ALDH16A1: variants seen among roughly 807,000 people sequenced by gnomAD.
The protein encoded by ALDH16A1 is aldehyde dehydrogenase 16 family member A1.
ALDH16A1 carries 88 observed loss-of-function variants against 96.1 expected under a neutral mutation model. The observed-to-expected ratio is 0.92, with a 90% CI of 0.77 to 1.09. ALDH16A1 has a LOEUF of 1.09. Ranked by LOEUF, ALDH16A1 falls within the 50% of genes least tolerant of loss-of-function variation. The pLI, the probability that ALDH16A1 is intolerant of heterozygous loss-of-function variation, is 0.00. For synonymous variants in ALDH16A1, 522 were observed against 496.4 expected (o/e 1.05, Z -0.69); for missense variants, 1,250 against 1,112.6 (o/e 1.12, Z -1.76).
intron 2 of ALDH16A1, 71 bp from the exon 3 acceptor site, chr19:49,458,889 A>G: frequency 6.4e-7 from 1 of 1,561,216 alleles, no homozygotes; most frequent in Non-Finnish European, 8.7e-7. Flanking sequence ...CCAGGCTCCG[A>G]AAATCTCAGC....
At position 49,461,537 on chromosome 19, in the gene ALDH16A1, G is replaced by A; in HGVS notation, c.578-82G>A. ...GACTCCTGGGTCTGAGGGAGGAGGGGCTGGGGGTCCAGATTCCTGGGTCTG... is the reference window on the plus strand; with the variant it reads ...GACTCCTGGGTCTGAGGGAGGAGGGACTGGGGGTCCAGATTCCTGGGTCTG... On this transcript the variant is annotated intron_variant, in intron 5 of 16. Coordinates refer to ENST00000293350, the MANE Select transcript of ALDH16A1 (RefSeq NM_153329.4). 7.3e-6 allele frequency: 5 copies of A among 687,592 alleles called. 2 individuals carry two copies. The South Asian group carries it at 9.8e-5, about 13-fold the overall frequency. 42.6% of individuals were successfully genotyped at this position (687,592 alleles called of 1,614,324 possible).
At position 49,459,859 on chromosome 19, in the gene ALDH16A1, G is replaced by A. The variant is rs779368839; in HGVS notation, c.499+11G>A. The A allele has an allele frequency of 2.5e-6, 4 of 1,611,762 alleles. No homozygotes were observed. The African/African-American group carries it at 5.3e-5, about 22-fold the overall frequency. ...GCTGGGAGCCCATGGGTGAGACCCT[G>A]GAGTCCCTAGCCCTATCCTCCCACA... On this transcript the variant is annotated intron_variant, in intron 4 of 16. Transcript: ENST00000293350. The surrounding 1 kb of genome is among the most constrained non-coding windows in gnomAD (Gnocchi z 4.1).
At position 49,454,448 on chromosome 19, in the gene ALDH16A1, G is replaced by T. The variant is rs1390847692; in HGVS notation, c.90+1027G>T. ...TTGTTCAGGAACCCCTGAAGTCCTC[G>T]TGAGGGTCCCATGATCCCCTGGGGG... On this transcript the variant is annotated intron_variant, in intron 1 of 16. Coordinates refer to ENST00000293350, the MANE Select transcript of ALDH16A1 (RefSeq NM_153329.4). Among the ~76,000 whole-genome samples, 4 of 152,120 alleles carry T rather than the reference G, an allele frequency of 2.6e-5. No individual in the cohort carries two copies. In the Middle Eastern group the frequency reaches 0.01, roughly 388 times the overall value.
chr19:49,459,409 C>T lies in ALDH16A1; in HGVS notation c.321-261C>T, dbSNP rs1033798561. ...GAGACAAAAATTCCATTTCCCAAAA[C>T]GCAATTGAGGTTAGAAGCTAAGACT... On this transcript the variant is annotated intron_variant, in intron 3 of 16. Coordinates refer to ENST00000293350, the MANE Select transcript of ALDH16A1 (RefSeq NM_153329.4). The surrounding 1 kb of genome is among the most constrained non-coding windows in gnomAD (Gnocchi z 4.1). Among the ~76,000 whole-genome samples the T allele has an allele frequency of 3.9e-5, 6 of 152,194 alleles. No individual in the cohort carries two copies. Among genetic ancestry groups the T allele is most frequent in the Admixed American group, 6.5e-5 (1 of 15,272 alleles).
chr19:49,454,056 A>T (rs1363898810), intron 1 of ALDH16A1, among the ~76,000 whole-genome samples: 2 of 112,988 alleles, frequency 1.8e-5, no homozygotes, highest in Non-Finnish European at 3.7e-5. Context: ...CCAGGGTCTC[A>T]CTCTGTCGCC....
At chr19:49,461,298 C>T (rs983285808) in intron 5 of ALDH16A1, among the ~76,000 whole-genome samples, 33 of 134,150 alleles carry the variant, frequency 2.5e-4, no homozygotes, top group East Asian at 2.4e-4. Context: ...GGGACCTGGA[C>T]TCCTGGGTCT....
Position 49,470,747 on chromosome 19 carries a change from C to T in ALDH16A1, c.*280C>T. On this transcript the variant is annotated 3_prime_UTR_variant, in exon 17 of 17. Transcript: ENST00000293350. Reference sequence around the variant, plus strand: ...CACTGCAGCCTCGACCTCTGGGGCTCAAGGGATCCTCATGCCTCAGCCTCA... The same window carrying T: ...CACTGCAGCCTCGACCTCTGGGGCTTAAGGGATCCTCATGCCTCAGCCTCA... The T allele has an allele frequency of 3.3e-6, 1 of 303,988 alleles. No homozygotes were observed. Among genetic ancestry groups the T allele is most frequent in the Non-Finnish European group, 6.1e-6 (1 of 164,974 alleles). The allele number at this position is 303,988 out of a possible 1,614,324, so 18.8% of individuals were successfully genotyped here. A position where few individuals can be genotyped will look rare whatever the true frequency, so the allele number is the denominator to read the frequency against.
rs201699720 is a variant in ALDH16A1 at position 49,468,387 on chromosome 19, G to C, written c.1945G>C (p.Gly649Arg). The part of the protein sequence containing the change: ...QAQGHTLQVA[G>R]LRGPVLRLRE... Reference sequence around the variant, plus strand: ...GACCCACCTGTCCCTGCAGGTAGCCGGGCTGAGAGGCCCTGTGCTGCGCCT... The same window carrying C: ...GACCCACCTGTCCCTGCAGGTAGCCCGGCTGAGAGGCCCTGTGCTGCGCCT... Residue 649 changes from glycine to arginine, a missense_variant, in exon 15 of 17, where the codon GGG becomes CGG. By Grantham distance (125) the Gly-to-Arg change is moderately radical. Transcript: ENST00000293350. This position sits in a 1 kb window ranked among gnomAD's most constrained non-coding sequence, Gnocchi z 4.4. 6.3e-7 allele frequency: 1 copy of C among 1,598,710 alleles called. No homozygotes were observed. Among genetic ancestry groups the C allele is most frequent in the Non-Finnish European group, 8.5e-7 (1 of 1,179,456 alleles).
In ALDH16A1 at chr19:49,466,085, G is replaced by A. The variant is rs1413766557; in HGVS notation, c.1740G>A (p.Trp580Ter). The change falls in exon 14 of 17, where the codon TGG becomes TGA. Residue 580 changes from tryptophan (W) to a stop codon, truncating the protein, a stop_gained. Coordinates refer to ENST00000293350, the MANE Select transcript of ALDH16A1 (RefSeq NM_153329.4). LOFTEE classifies it high-confidence loss of function. ...ACTGTGCGCTGTCTGCCCACAGCTG[G>A]GCGGGCCAGTCCCCAGGAGCCCGGG... is the stretch of plus-strand genomic sequence containing the variant. Reference protein sequence around the residue: ...VEAAHQAFPGWAGQSPGARAA... With the variant: ...VEAAHQAFPG The A allele has an allele frequency of 6.5e-7, 1 of 1,542,252 alleles. No homozygotes were observed. The highest frequency in any genetic ancestry group is 8.7e-7 in the Non-Finnish European group (1 of 1,147,420).
chr19:49,470,375 C>A lies in ALDH16A1; in HGVS notation c.2317C>A (p.Arg773=), dbSNP rs147032077. ...GGTGTGGGCGAGCAGGGGCTGCCCG[C>A]GGGCCTGGGACCAGGAGGCCGAGGG... ...KPVWASRGCP[R]AWDQEAEGAG... Residue 773 remains arginine (R), a synonymous_variant, in exon 17 of 17, where the codon CGG becomes AGG. Transcript: ENST00000293350. 5.0e-6 allele frequency: 8 copies of A among 1,612,948 alleles called. No individual in the cohort carries two copies. The South Asian group carries it at 7.7e-5, about 15-fold the overall frequency.
At position 49,470,803 on chromosome 19, in the gene ALDH16A1, C is replaced by T; in HGVS notation, c.*336C>T. The T allele has an allele frequency of 4.8e-6, 1 of 206,246 alleles. No homozygotes were observed. Among genetic ancestry groups the T allele is most frequent in the Non-Finnish European group, 9.7e-6 (1 of 102,714 alleles). 12.8% of individuals were successfully genotyped at this position (206,246 alleles called of 1,614,324 possible). A position where few individuals can be genotyped will look rare whatever the true frequency, so the allele number is the denominator to read the frequency against. ...AGCTGGGGCCACAGACATGCACCAC[C>T]ACACCTGGCTCGAGGCCATTTTAGT... On this transcript the variant is annotated 3_prime_UTR_variant, in exon 17 of 17. Transcript: ENST00000293350.
chr19:49,458,480 C>G lies in ALDH16A1; in HGVS notation c.91-6C>G, dbSNP rs1189490997. ...CCCCTTTCCAAACTGTCTCTACCTC[C>G]CCCAGGCCTGGCTGGACACCCAGGA... On this transcript the variant is annotated splice_polypyrimidine_tract_variant and splice_region_variant and intron_variant, in intron 1 of 16. Coordinates refer to ENST00000293350, the MANE Select transcript of ALDH16A1 (RefSeq NM_153329.4). 1 of 1,556,292 alleles carries G rather than the reference C, an allele frequency of 6.4e-7. No individual in the cohort carries two copies. The highest frequency in any genetic ancestry group is 1.7e-4 in the Middle Eastern group (1 of 6,000).
At position 49,459,128 on chromosome 19, in the gene ALDH16A1, C is replaced by CA. The variant is rs768416709; in HGVS notation, c.320+43dup. The CA allele has an allele frequency of 2.3e-4, 361 of 1,590,278 alleles. No homozygotes were observed. In the Middle Eastern group the frequency reaches 3.6e-3, roughly 16 times the overall value. ...GTGGACCCCGGGAGGCGGGGAACCC[C>CA]AGCATCCACTCGAGACCATGGGAAC... On this transcript the variant is annotated intron_variant, in intron 3 of 16. Transcript: ENST00000293350. The surrounding 1 kb of genome is among the most constrained non-coding windows in gnomAD (Gnocchi z 4.1).
In ALDH16A1 at chr19:49,459,978, T is replaced by C; in HGVS notation, c.499+130T>C. On this transcript the variant is annotated intron_variant, in intron 4 of 16. Transcript: ENST00000293350. This position sits in a 1 kb window ranked among gnomAD's most constrained non-coding sequence, Gnocchi z 4.1. Reference sequence around the variant, plus strand: ...CAGGCCGGAGTGCAGTGGCGCAATCTTGGCTCACTATAACCTCCGCCTCCC... The same window carrying C: ...CAGGCCGGAGTGCAGTGGCGCAATCCTGGCTCACTATAACCTCCGCCTCCC... 8.6e-7 allele frequency: 1 copy of C among 1,161,302 alleles called. No homozygotes were observed. Among genetic ancestry groups the C allele is most frequent in the Non-Finnish European group, 1.2e-6 (1 of 857,038 alleles). 71.9% of individuals were successfully genotyped at this position (1,161,302 alleles called of 1,614,324 possible).
chr19:49,453,453 GCGTTC>G (rs2079084399), intron 1 of ALDH16A1, 32 bp downstream of exon 1: 1 of 1,506,390 alleles, frequency 6.6e-7, no homozygotes, highest in South Asian at 1.2e-5. Flanking sequence ...GCTGCTCGCT[GCGTTC>G]CCCAGGCCTG....
In ALDH16A1 at chr19:49,465,876, T is replaced by G; in HGVS notation, c.1707T>G (p.Ala569=). ...AEGGAKDIRG[A]VEAAHQAFPG... ...GTGGAGCCAAGGACATCCGAGGTGCTGTGGAGGCCGCTCACCAGGCTTTCC... is the reference window on the plus strand; with the variant it reads ...GTGGAGCCAAGGACATCCGAGGTGCGGTGGAGGCCGCTCACCAGGCTTTCC... Residue 569 remains alanine (A), a synonymous_variant, in exon 13 of 17, where the codon GCT becomes GCG. Coordinates refer to ENST00000293350, the MANE Select transcript of ALDH16A1 (RefSeq NM_153329.4). 6.2e-7 allele frequency: 1 copy of G among 1,614,028 alleles called. No homozygotes were observed. Among genetic ancestry groups the G allele is most frequent in the Non-Finnish European group, 8.5e-7 (1 of 1,179,962 alleles).
At chr19:49,464,319 C>T in intron 10 of ALDH16A1, 56 bp downstream of exon 10, 1 of 1,589,412 alleles carries the variant, frequency 6.3e-7, no homozygotes. Flanking sequence ...ATCTTCATCT[C>T]CCTTCTCCCT....
rs180889182 is a variant in ALDH16A1 at position 49,460,607 on chromosome 19, T to C, written c.500-215T>C. Among the ~76,000 whole-genome samples the C allele has an allele frequency of 1.2e-4, 18 of 151,216 alleles. No homozygotes were observed. In the East Asian group the frequency reaches 1.6e-3, roughly 13 times the overall value. Reference sequence around the variant, plus strand: ...TTTTGTGTTTTTAGTGGAGATGGGGTTTTTCCATGTTGGTCAGGCTGGTCT... The same window carrying C: ...TTTTGTGTTTTTAGTGGAGATGGGGCTTTTCCATGTTGGTCAGGCTGGTCT... On this transcript the variant is annotated intron_variant, in intron 4 of 16. Transcript: ENST00000293350.
In ALDH16A1 at chr19:49,470,442, C is replaced by T. The variant is rs1198406778; in HGVS notation, c.2384C>T (p.Ala795Val). The change falls in exon 17 of 17, where the codon GCC (alanine) becomes GTC (valine). Residue 795 changes from alanine to valine, a missense_variant. Coordinates refer to ENST00000293350, the MANE Select transcript of ALDH16A1 (RefSeq NM_153329.4). ...GGGCTGCGAGTGGCGCGGACCAAGG[C>T]CCTGTGGCTGCCTATGGGGGACTGA... ...ELGLRVARTK[A>V]LWLPMGD 6.3e-7 allele frequency: 1 copy of T among 1,599,784 alleles called. No individual in the cohort carries two copies. The highest frequency in any genetic ancestry group is 1.8e-5 in the Admixed American group (1 of 56,802).
Sources: gnomAD v4.1 joint callset for allele counts (sites outside exome capture counted in the v4.1 genomes callset) on GRCh38, gnomAD v4.1.1 for gene constraint, Gnocchi (gnomAD v3.1) non-coding constraint, MANE v1.5 for transcripts, NCBI Gene and HGNC (gene_info 2026-07-23, HGNC 2026-07-21) for gene names.